Variants in PRKCB observed in about 807,000 individuals in gnomAD.
PRKCB encodes protein kinase C beta type.
A neutral mutation model predicts 81.5 loss-of-function variants in PRKCB; 13 were observed. The ratio of observed to expected loss-of-function variants is 0.16; its 90% confidence interval spans 0.10 to 0.25. The LOEUF (loss-of-function observed/expected upper bound fraction) is 0.25. Ranked by LOEUF, PRKCB falls within the 10% of genes least tolerant of loss-of-function variation. The probability of loss-of-function intolerance (pLI) is 1.00; values close to 1 mark genes in which losing one functional copy is unlikely to be tolerated. For missense variants in PRKCB, 509 were observed against 875.7 expected (o/e 0.58, Z 5.29); for synonymous variants, 335 against 321.4 (o/e 1.04, Z -0.45).
At chr16:24,136,404 G>A (rs931539128) in intron 9 of PRKCB, among the ~76,000 whole-genome samples, 2 of 152,116 alleles carry the variant, frequency 1.3e-5, no homozygotes, top group African/African-American at 2.4e-5. Flanking sequence ...GCTTGTTTCT[G>A]TGTATCTCAA....
At chr16:24,144,692 C>G (rs1270915819) in intron 9 of PRKCB, among the ~76,000 whole-genome samples, 1 of 152,210 alleles carries the variant, frequency 6.6e-6, no homozygotes, top group African/African-American at 2.4e-5. Context: ...CCCTCAAATT[C>G]TTTGTGAAAT....
intron 5 of PRKCB, among the ~76,000 whole-genome samples, chr16:24,038,799 T>C (rs1430700857): frequency 6.6e-6 from 1 of 152,216 alleles, no homozygotes; most frequent in African/African-American, 2.4e-5. Context: ...CGTGGAAGTC[T>C]TCTTCAGCCT....
intron 9 of PRKCB, among the ~76,000 whole-genome samples, chr16:24,140,818 C>T (rs1966891489): frequency 6.6e-6 from 1 of 152,186 alleles, no homozygotes; most frequent in South Asian, 2.1e-4. Context: ...CGAATTCAGG[C>T]TCCTTTCATC....
chr16:23,959,607 A>T (rs908724652), intron 2 of PRKCB, among the ~76,000 whole-genome samples: 1 of 152,226 alleles, frequency 6.6e-6, no homozygotes, highest in African/African-American at 2.4e-5. Flanking sequence ...TTACTGTTTA[A>T]ATAGAATATT....
Position 24,218,338 on chromosome 16 carries a change from G to T in PRKCB, c.*3522G>T, listed in dbSNP as rs1968264189. ...GGAAGTAACATGCCGAGCGCCTGGGGGATGGAAACTCCTATAGCACCCCAC... is the reference window on the plus strand; with the variant it reads ...GGAAGTAACATGCCGAGCGCCTGGGTGATGGAAACTCCTATAGCACCCCAC... On this transcript the variant is annotated 3_prime_UTR_variant, in exon 17 of 17. Transcript: ENST00000643927. The T allele has an allele frequency of 1.0e-6, 1 of 985,116 alleles. No homozygotes were observed. Among genetic ancestry groups the T allele is most frequent in the African/African-American group, 1.7e-5 (1 of 57,158 alleles). 61.0% of individuals were successfully genotyped at this position (985,116 alleles called of 1,614,324 possible).
intron 7 of PRKCB, among the ~76,000 whole-genome samples, chr16:24,096,666 A>AAAATATAT (rs1406204037): frequency 1.5e-3 from 50 of 32,640 alleles, no homozygotes; most frequent in Non-Finnish European, 2.0e-3. Flanking sequence ...AAAAAAAAAA[A>AAAATATAT]ATATATATAT....
chr16:23,935,333 A>G (rs568952467), intron 2 of PRKCB, among the ~76,000 whole-genome samples: 1 of 152,220 alleles, frequency 6.6e-6, no homozygotes, highest in Non-Finnish European at 1.5e-5. Context: ...TACTTTCTAT[A>G]AAGCCAGAAG....
intron 2 of PRKCB, among the ~76,000 whole-genome samples, chr16:23,839,806 C>T (rs1410218184): frequency 1.3e-5 from 2 of 152,162 alleles, no homozygotes; most frequent in Non-Finnish European, 2.9e-5. Flanking sequence ...CAACTCATTG[C>T]AATATCCAAG....
chr16:24,160,794 G>A (rs1010087197), intron 10 of PRKCB, among the ~76,000 whole-genome samples: 7 of 152,114 alleles, frequency 4.6e-5, no homozygotes, highest in African/African-American at 1.7e-4. Context: ...AGGTCTCTCT[G>A]ATAAGGATGA....
chr16:23,928,969 G>C (rs183763462), intron 2 of PRKCB, among the ~76,000 whole-genome samples: 3 of 152,010 alleles, frequency 2.0e-5, no homozygotes, highest in Non-Finnish European at 4.4e-5. Context: ...CGCCCGCCTC[G>C]GCATCCCAAA....
chr16:24,052,077 A>T (rs972291494), intron 5 of PRKCB, among the ~76,000 whole-genome samples: 1 of 151,278 alleles, frequency 6.6e-6, no homozygotes, highest in Non-Finnish European at 1.5e-5. Context: ...TCCGTCTCAA[A>T]AAAAAAAAAA....
chr16:24,041,904 G>T (rs1965702391), intron 5 of PRKCB, among the ~76,000 whole-genome samples: 1 of 150,800 alleles, frequency 6.6e-6, no homozygotes, highest in Admixed American at 6.6e-5. Flanking sequence ...GAATCGCTTG[G>T]ACCCAGGAGG....
chr16:23,851,342 C>T (rs1962470053), intron 2 of PRKCB, among the ~76,000 whole-genome samples: 1 of 152,134 alleles, frequency 6.6e-6, no homozygotes, highest in South Asian at 2.1e-4. Context: ...AGAGACTGTC[C>T]TTTCCCTCAT....
intron 2 of PRKCB, among the ~76,000 whole-genome samples, chr16:23,881,462 G>T (rs1231787600): frequency 1.3e-5 from 2 of 152,054 alleles, no homozygotes; most frequent in Admixed American, 6.5e-5. Flanking sequence ...ATGTTGCCCA[G>T]GCTGGTCTTG....
rs1400665995 is a variant in PRKCB, at chr16:24,071,749, C to T, written c.530-21042C>T. 2.0e-5 allele frequency among the ~76,000 whole-genome samples: 3 copies of T among 151,956 alleles called. No homozygotes were observed. The East Asian group carries it at 5.8e-4, about 29-fold the overall frequency. ...GAGGCAGGATCTTACAGGGAACAGC[C>T]GGCAGCCAAGGCTAGCTGGAGTCTG... On this transcript the variant is annotated intron_variant, in intron 5 of 16. Coordinates refer to ENST00000643927, the MANE Select transcript of PRKCB (RefSeq NM_002738.7).
intron 2 of PRKCB, among the ~76,000 whole-genome samples, chr16:23,892,137 T>C (rs1157769480): frequency 6.6e-6 from 1 of 152,204 alleles, no homozygotes; most frequent in African/African-American, 2.4e-5. Context: ...GTGATAAAGA[T>C]GTACCTGTTA....
At chr16:24,202,498 G>A (rs1189875967) in intron 16 of PRKCB, among the ~76,000 whole-genome samples, 1 of 152,080 alleles carries the variant, frequency 6.6e-6, no homozygotes, top group Non-Finnish European at 1.5e-5. Flanking sequence ...TTAAAAAAAT[G>A]TGAAAAAATA....
intron 16 of PRKCB, among the ~76,000 whole-genome samples, chr16:24,199,846 C>T (rs1967931029): frequency 2.0e-5 from 3 of 152,122 alleles, no homozygotes; most frequent in Admixed American, 2.0e-4. Context: ...GACTTGATCC[C>T]TGGACTGTAC....
intron 2 of PRKCB, among the ~76,000 whole-genome samples, chr16:23,873,769 G>A (rs749494121): frequency 8.5e-5 from 13 of 152,312 alleles, no homozygotes; most frequent in Admixed American, 3.3e-4. Context: ...CATGAGCTGA[G>A]ACCTTAAGAG....
Sources: allele counts gnomAD v4.1 joint callset (sites outside exome capture counted in the v4.1 genomes callset), GRCh38; gene constraint gnomAD v4.1.1; transcripts MANE v1.5; gene names NCBI Gene and HGNC (gene_info 2026-07-23, HGNC 2026-07-21).